The following PPFIA2 variants were observed in gnomAD, a reference collection of about 807,000 sequenced individuals.
The protein encoded by PPFIA2 is liprin-alpha-2.
Under a neutral mutation model 175.5 loss-of-function variants are expected in PPFIA2, and 46 were observed. The ratio of observed to expected loss-of-function variants is 0.26; its 90% confidence interval spans 0.21 to 0.34. The LOEUF (loss-of-function observed/expected upper bound fraction) is 0.34, where lower values mean the gene tolerates loss of function less well. PPFIA2 is among the 10% of genes least tolerant of loss of function. PPFIA2 has a pLI of 1.00. For missense variants in PPFIA2, 1,179 were observed against 1,506.1 expected, an observed-to-expected ratio of 0.78 and a Z score of 3.60; for synonymous variants, 568 against 511.4, an observed-to-expected ratio of 1.11 and a Z score of -1.49.
intron 4 of PPFIA2, among the ~76,000 whole-genome samples, chr12:81,619,648 A>C (rs1233043102): frequency 1.3e-5 from 2 of 152,254 alleles, no homozygotes; most frequent in East Asian, 3.8e-4. Context: ...TAAGATCTTC[A>C]TTATTTTTGC....
intron 20 of PPFIA2, 94 bp from the exon 21 acceptor site, chr12:81,339,428 A>C (rs1467114783): frequency 2.2e-5 from 22 of 997,492 alleles, no homozygotes; most frequent in Non-Finnish European, 2.9e-5. Flanking sequence ...GAACAAGCAG[A>C]CTTGTAATGT....
chr12:81,419,439 A>T (rs2045881787), intron 7 of PPFIA2, among the ~76,000 whole-genome samples: 1 of 152,118 alleles, frequency 6.6e-6, no homozygotes, highest in African/African-American at 2.4e-5. Flanking sequence ...TTATTGAATG[A>T]ATGTTCTTAC....
chr12:81,270,663 C>T (rs1168447961), intron 28 of PPFIA2: 1 of 152,180 alleles, frequency 6.6e-6, no homozygotes, highest in Non-Finnish European at 1.5e-5. Context: ...TAGCAACTGA[C>T]TCTGCTAACA....
At chr12:81,745,103 C>T (rs980662647) in intron 3 of PPFIA2, among the ~76,000 whole-genome samples, 6 of 152,134 alleles carry the variant, frequency 3.9e-5, no homozygotes, top group Non-Finnish European at 7.3e-5. Flanking sequence ...TTCAGACAGC[C>T]GTCCTAGCTT....
rs1394281972 is a variant in PPFIA2, at chr12:81,693,573, T to G, written c.250-16729A>C. Among the ~76,000 whole-genome samples, 3 of 152,160 alleles carry G rather than the reference T, an allele frequency of 2.0e-5. No homozygotes were observed. In the East Asian group the frequency reaches 5.8e-4, roughly 29 times the overall value. On this transcript the variant is annotated intron_variant, in intron 3 of 32. Transcript: ENST00000549396. ...AATTACCCAGTCTCATATATTTCTT[T>G]GTAGCAATGCAAGAATGGCCTAATA...
At chr12:81,532,372 A>T (rs2064705559) in intron 4 of PPFIA2, among the ~76,000 whole-genome samples, 1 of 151,738 alleles carries the variant, frequency 6.6e-6, no homozygotes, top group African/African-American at 2.4e-5. Context: ...TCCCTGAGAG[A>T]CTATCAGAGC....
At chr12:81,380,122 C>T (rs2037304118) in intron 9 of PPFIA2, among the ~76,000 whole-genome samples, 1 of 152,086 alleles carries the variant, frequency 6.6e-6, no homozygotes, top group African/African-American at 2.4e-5. Context: ...TTGCAGCCCA[C>T]TGGGAGGATG....
chr12:81,259,315 T>C lies in PPFIA2; in HGVS notation c.*379A>G. ...TTTAAAAAATCATATTTATATCCAT[T>C]TACATAAGACTTACACATTTAAAAA... On this transcript the variant is annotated 3_prime_UTR_variant, in exon 33 of 33. Coordinates refer to ENST00000549396, the MANE Select transcript of PPFIA2 (RefSeq NM_003625.5). The C allele has an allele frequency of 2.3e-6, 1 of 438,560 alleles. No homozygotes were observed. Among genetic ancestry groups the C allele is most frequent in the Non-Finnish European group, 4.2e-6 (1 of 236,866 alleles). 27.2% of individuals were successfully genotyped at this position (438,560 alleles called of 1,614,324 possible).
At chr12:81,720,474 C>G (rs1378811559) in intron 3 of PPFIA2, among the ~76,000 whole-genome samples, 1 of 151,382 alleles carries the variant, frequency 6.6e-6, no homozygotes, top group Non-Finnish European at 1.5e-5. Context: ...CCTGGTTTCC[C>G]TGCACAGCAC....
At chr12:81,608,971 A>G (rs2153464655) in intron 4 of PPFIA2, among the ~76,000 whole-genome samples, 1 of 152,074 alleles carries the variant, frequency 6.6e-6, no homozygotes, top group Admixed American at 6.5e-5. Context: ...GTTGTATCCT[A>G]GAGATTTGGA....
intron 4 of PPFIA2, among the ~76,000 whole-genome samples, chr12:81,498,996 G>GA (rs952875175): frequency 3.9e-5 from 6 of 151,994 alleles, no homozygotes; most frequent in African/African-American, 7.2e-5. Context: ...TCAAGCAATA[G>GA]AAAAAAAATC....
intron 16 of PPFIA2, among the ~76,000 whole-genome samples, chr12:81,356,292 G>A (rs1382608141): frequency 4.6e-5 from 7 of 152,078 alleles, no homozygotes; most frequent in Non-Finnish European, 7.4e-5. Flanking sequence ...GTACCCAAAT[G>A]ATTACAATAG....
chr12:81,259,364 G>C lies in PPFIA2; in HGVS notation c.*330C>G, dbSNP rs549851679. 2.0e-3 allele frequency: 1,189 copies of C among 584,314 alleles called. 4 individuals carry two copies. Among genetic ancestry groups the C allele is most frequent in the Non-Finnish European group, 2.0e-3 (640 of 317,656 alleles). The allele number at this position is 584,314 out of a possible 1,614,324, so 36.2% of individuals were successfully genotyped here. ...AAGAAATGCACGGTAATACATAAAT[G>C]CCTAGTATATTACAATAAAACATGA... On this transcript the variant is annotated 3_prime_UTR_variant, in exon 33 of 33. Coordinates refer to ENST00000549396, the MANE Select transcript of PPFIA2 (RefSeq NM_003625.5).
intron 4 of PPFIA2, among the ~76,000 whole-genome samples, chr12:81,571,913 C>G (rs1463216698): frequency 6.6e-6 from 1 of 152,050 alleles, no homozygotes. Flanking sequence ...CTTTCATATA[C>G]TGAAGTGGCA....
intron 4 of PPFIA2, among the ~76,000 whole-genome samples, chr12:81,571,916 A>T (rs2072620926): frequency 6.6e-6 from 1 of 152,076 alleles, no homozygotes; most frequent in South Asian, 2.1e-4. Flanking sequence ...TCATATACTG[A>T]AGTGGCATTC....
intron 16 of PPFIA2, among the ~76,000 whole-genome samples, chr12:81,356,536 G>C (rs138143011): frequency 6.6e-6 from 1 of 151,950 alleles, no homozygotes; most frequent in Non-Finnish European, 1.5e-5. Context: ...AGTGGTGCCC[G>C]CTTGTGGTCC....
chr12:81,321,878 T>G (rs1354920961), intron 22 of PPFIA2, among the ~76,000 whole-genome samples: 3 of 152,196 alleles, frequency 2.0e-5, no homozygotes, highest in Non-Finnish European at 4.4e-5. Flanking sequence ...GAAGGGACCA[T>G]CTATCATTCC....
At position 81,439,932 on chromosome 12, in the gene PPFIA2, G is replaced by A. The variant is rs368150833; in HGVS notation, c.645+40C>T. The A allele has an allele frequency of 5.0e-5, 75 of 1,489,242 alleles. No homozygotes were observed. The East Asian group carries it at 1.2e-3, about 24-fold the overall frequency. 92.3% of individuals were successfully genotyped at this position (1,489,242 alleles called of 1,614,324 possible). Reference sequence around the variant, plus strand: ...GAAACACAAGGGATGTAATGTCAGCGATATTGCACCTCAAAAGAGGAGAAA... The same window carrying A: ...GAAACACAAGGGATGTAATGTCAGCAATATTGCACCTCAAAAGAGGAGAAA... On this transcript the variant is annotated intron_variant, in intron 7 of 32. Transcript: ENST00000549396.
intron 8 of PPFIA2, among the ~76,000 whole-genome samples, chr12:81,391,682 A>T (rs1566618870): frequency 6.6e-6 from 1 of 151,996 alleles, no homozygotes; most frequent in Non-Finnish European, 1.5e-5. Flanking sequence ...AATTTTCAAT[A>T]AACAATGAAA....
Sources: gnomAD v4.1 joint callset for allele counts (sites outside exome capture counted in the v4.1 genomes callset) on GRCh38, gnomAD v4.1.1 for gene constraint, MANE v1.5 for transcripts, NCBI Gene and HGNC (gene_info 2026-07-23, HGNC 2026-07-21) for gene names.